Variants in PPP1R12B observed in about 807,000 individuals in gnomAD.
PPP1R12B encodes the protein myosin phosphatase target subunit 2.
Under a neutral mutation model 126.1 loss-of-function variants are expected in PPP1R12B, and 76 were observed. The ratio of observed to expected loss-of-function variants is 0.60; its 90% CI spans 0.50 to 0.73. The LOEUF (loss-of-function observed/expected upper bound fraction) is 0.73, where lower values mean the gene tolerates loss of function less well. Ranked by LOEUF, PPP1R12B falls within the 30% of genes least tolerant of loss-of-function variation. The pLI is 0.00. For synonymous variants in PPP1R12B, 356 were observed against 434.7 expected (o/e 0.82, Z 2.25); for missense variants, 1,052 against 1,205.1 (o/e 0.87, Z 1.88).
intron 18 of PPP1R12B, among the ~76,000 whole-genome samples, chr1:202,548,794 CTCTCTCTCTCTCTCTA>C: frequency 8.9e-6 from 1 of 112,714 alleles, no homozygotes; most frequent in Non-Finnish European, 1.9e-5. Flanking sequence ...CTCTCTCTCT[CTCTCTCTCTCTCTCTA>C]TATATATATA....
rs34810265 is a variant in PPP1R12B at position 202,401,361 on chromosome 1, ATTTTTTTTTTTT to A, written c.292-15408_292-15397del. ...TCCACCACCATGGCTGGCTAATTTA[ATTTTTTTTTTTT>A]TTTTTTTTTTTTTTTTTGTAGAGAT... is the stretch of plus-strand genomic sequence containing the variant. On this transcript the variant is annotated intron_variant, in intron 1 of 23. Transcript: ENST00000608999. Among the ~76,000 whole-genome samples, 34 of 71,446 alleles carry A rather than the reference ATTTTTTTTTTTT, an allele frequency of 4.8e-4. 1 individual carries two copies. The highest frequency in any genetic ancestry group is 3.6e-3 in the Admixed American group (17 of 4,764). The allele number at this position is 71,446 out of a possible 152,430, so 46.9% of individuals were successfully genotyped here.
chr1:202,517,695 G>C (rs1158518694), intron 18 of PPP1R12B, among the ~76,000 whole-genome samples: 2 of 151,280 alleles, frequency 1.3e-5, no homozygotes, highest in African/African-American at 4.9e-5. Context: ...GCGTGATCTC[G>C]GCTCACTGCA....
At chr1:202,490,567 T>C (rs1349659570) in intron 14 of PPP1R12B, among the ~76,000 whole-genome samples, 1 of 152,240 alleles carries the variant, frequency 6.6e-6, no homozygotes, top group Non-Finnish European at 1.5e-5. Flanking sequence ...TGTATAACTA[T>C]CACCACCATT....
intron 10 of PPP1R12B, chr1:202,438,403 C>T (rs965087192): frequency 3.4e-6 from 2 of 581,126 alleles, no homozygotes; most frequent in African/African-American, 1.9e-5. Flanking sequence ...GGCATGGCTT[C>T]GTGTGCTGAA....
intron 18 of PPP1R12B, among the ~76,000 whole-genome samples, chr1:202,518,743 T>C (rs187770514): frequency 2.6e-5 from 4 of 152,274 alleles, no homozygotes; most frequent in Non-Finnish European, 4.4e-5. Flanking sequence ...GTGTAATTTT[T>C]CCCCCCTTAA....
At chr1:202,574,247 C>T (rs1688889613) in intron 23 of PPP1R12B, among the ~76,000 whole-genome samples, 1 of 151,780 alleles carries the variant, frequency 6.6e-6, no homozygotes, top group Non-Finnish European at 1.5e-5. Context: ...CAGTGGCCCA[C>T]ACCTGTAATC....
chr1:202,491,537 TAAATC>T (rs1258763935), intron 14 of PPP1R12B, among the ~76,000 whole-genome samples: 1 of 152,046 alleles, frequency 6.6e-6, no homozygotes, highest in Non-Finnish European at 1.5e-5. Context: ...ATACAGTAAA[TAAATC>T]AATATATATT....
In PPP1R12B at chr1:202,586,558, T is replaced by G. The variant is rs1229188448; in HGVS notation, c.*5998T>G. ...AGCTATTGATCTTTTGTGTTCTGAT[T>G]AGATTGGAAAATAGATCAACTTCAT... On this transcript the variant is annotated 3_prime_UTR_variant, in exon 24 of 24. Transcript: ENST00000608999. 1 of 152,222 alleles carries G rather than the reference T, an allele frequency of 6.6e-6. No homozygotes were observed. The highest frequency in any genetic ancestry group is 1.5e-5 in the Non-Finnish European group (1 of 68,036). 9.4% of individuals were successfully genotyped at this position (152,222 alleles called of 1,614,324 possible).
At chr1:202,454,676 G>A (rs1020240866) in intron 13 of PPP1R12B, among the ~76,000 whole-genome samples, 4 of 152,194 alleles carry the variant, frequency 2.6e-5, no homozygotes, top group African/African-American at 9.7e-5. Context: ...GCTCACACCT[G>A]TAATCTTGGC....
At chr1:202,504,084 A>C (rs1333050652) in intron 18 of PPP1R12B, among the ~76,000 whole-genome samples, 7 of 152,058 alleles carry the variant, frequency 4.6e-5, no homozygotes, top group African/African-American at 1.7e-4. Flanking sequence ...AATAAATGTC[A>C]CTTCAATTTC....
chr1:202,430,933 G>C (rs1361721854), intron 7 of PPP1R12B, 123 bp downstream of exon 7: 3 of 1,369,990 alleles, frequency 2.2e-6, no homozygotes, highest in African/African-American at 1.5e-5. Flanking sequence ...CTATAAACTT[G>C]TGGGAAACTT....
At chr1:202,576,511 C>T (rs577976615) in intron 23 of PPP1R12B, 4 of 152,254 alleles carry the variant, frequency 2.6e-5, no homozygotes, top group African/African-American at 9.6e-5. Context: ...CTATCATAGG[C>T]AGAAAGAAAA....
chr1:202,499,482 T>G (rs567396858), intron 18 of PPP1R12B, among the ~76,000 whole-genome samples: 1 of 152,296 alleles, frequency 6.6e-6, no homozygotes, highest in Admixed American at 6.5e-5. Flanking sequence ...CTCGAACTCC[T>G]GGGCTCAAAC....
chr1:202,359,756 A>C (rs1657825654), intron 1 of PPP1R12B, among the ~76,000 whole-genome samples: 1 of 152,138 alleles, frequency 6.6e-6, no homozygotes, highest in African/African-American at 2.4e-5. Flanking sequence ...GTGAGCTGAG[A>C]TCTCGCCACT....
intron 2 of PPP1R12B, among the ~76,000 whole-genome samples, chr1:202,421,866 G>C (rs1447901836): frequency 6.6e-6 from 1 of 152,160 alleles, no homozygotes; most frequent in African/African-American, 2.4e-5. Context: ...GACTGGGGCT[G>C]TACCCTCTGC....
chr1:202,352,898 G>GAA lies in PPP1R12B; in HGVS notation c.291+3761_291+3762dup, dbSNP rs764791402. Among the ~76,000 whole-genome samples, 822 of 144,056 alleles carry GAA rather than the reference G, an allele frequency of 5.7e-3. 2 individuals are homozygous for GAA. Among genetic ancestry groups the GAA allele is most frequent in the Non-Finnish European group, 0.01 (683 of 65,128 alleles). The allele number at this position is 144,056 out of a possible 152,430, so 94.5% of individuals were successfully genotyped here. ...GTGAGACTCCGTTTCAAAAAAAAAA[G>GAA]AAAAAAGAAATTCAGACTGTCTTTG... On this transcript the variant is annotated intron_variant, in intron 1 of 23. Coordinates refer to ENST00000608999, the MANE Select transcript of PPP1R12B (RefSeq NM_002481.4).
chr1:202,464,970 A>C (rs1319168338), intron 13 of PPP1R12B, among the ~76,000 whole-genome samples: 1 of 152,200 alleles, frequency 6.6e-6, no homozygotes, highest in Admixed American at 6.5e-5. Context: ...GAGTAGTCAG[A>C]AGGGGCTTCG....
intron 13 of PPP1R12B, among the ~76,000 whole-genome samples, chr1:202,466,480 C>G (rs576252653): frequency 1.5e-4 from 23 of 151,352 alleles, no homozygotes; most frequent in Non-Finnish European, 3.1e-4. Context: ...CTGTAAACAC[C>G]TTAGGCATTG....
rs764801546 is a variant in PPP1R12B at position 202,588,824 on chromosome 1, A to AAGATAGATAGATTAGAT, written c.*8276_*8277insTAGATAGATAGATAGAT. 6.9e-6 allele frequency: 1 copy of AAGATAGATAGATTAGAT among 144,124 alleles called. No individual in the cohort carries two copies. The highest frequency in any genetic ancestry group is 2.0e-4 in the East Asian group (1 of 4,908). The allele number at this position is 144,124 out of a possible 1,614,324, so 8.9% of individuals were successfully genotyped here. A position where few individuals can be genotyped will look rare whatever the true frequency, so the allele number is the denominator to read the frequency against. On this transcript the variant is annotated 3_prime_UTR_variant, in exon 24 of 24. Transcript: ENST00000608999. ...CTAGATTGGCGTTCAAAAGAACCGTAAGATAGATAGATAGATAGATAGATA... is the reference window on the plus strand; with the variant it reads ...CTAGATTGGCGTTCAAAAGAACCGTAAGATAGATAGATTAGATAGATAGATAGATAGATAGATAGATA...
Sources: allele counts gnomAD v4.1 joint callset (sites outside exome capture counted in the v4.1 genomes callset), GRCh38; gene constraint gnomAD v4.1.1; transcripts MANE v1.5; gene names NCBI Gene and HGNC (gene_info 2026-07-23, HGNC 2026-07-21).